EXOC4: variants seen among roughly 807,000 people sequenced by gnomAD.
The protein encoded by EXOC4 is SEC8-like 1.
A neutral mutation model predicts 107.2 loss-of-function variants in EXOC4; 71 were observed. The ratio of observed to expected loss-of-function variants is 0.66; its 90% CI spans 0.55 to 0.81. EXOC4 has a LOEUF of 0.81. Among genes scored for constraint, EXOC4 ranks in the 30% least tolerant of loss-of-function variants. The pLI, the probability that EXOC4 is intolerant of heterozygous loss-of-function variation, is 0.00. For missense variants in EXOC4, 1,108 were observed against 1,189.6 expected (o/e 0.93, Z 1.01); for synonymous variants, 456 against 441.2 (o/e 1.03, Z -0.42).
intron 7 of EXOC4, among the ~76,000 whole-genome samples, chr7:133,411,455 AT>A (rs1264431937): frequency 6.6e-6 from 1 of 152,170 alleles, no homozygotes; most frequent in East Asian, 1.9e-4. Context: ...AATAATTCTT[AT>A]TACTATAGAA....
chr7:133,336,528 C>A (rs1208585210), intron 5 of EXOC4, among the ~76,000 whole-genome samples: 1 of 152,004 alleles, frequency 6.6e-6, no homozygotes, highest in African/African-American at 2.4e-5. Flanking sequence ...ACAATTCTTG[C>A]CAATCTGAGA....
intron 14 of EXOC4, among the ~76,000 whole-genome samples, chr7:133,971,361 T>TATATATAGAGAG (rs1489958236): frequency 1.0e-3 from 75 of 75,050 alleles, no homozygotes; most frequent in African/African-American, 2.7e-3. Context: ...TATATATATA[T>TATATATAGAGAG]AGAGAGAGAG....
chr7:133,794,994 CACACA>C (rs1796784311), intron 10 of EXOC4, among the ~76,000 whole-genome samples: 2 of 151,542 alleles, frequency 1.3e-5, no homozygotes, highest in Admixed American at 1.3e-4. Context: ...TTCCTGTGTC[CACACA>C]ATGGATAGTT....
intron 7 of EXOC4, chr7:133,447,516 A>G (rs945030845): frequency 2.2e-4 from 33 of 152,064 alleles, no homozygotes; most frequent in Admixed American, 6.6e-4. Flanking sequence ...TCACATTTTT[A>G]TGTATTTCCT....
intron 12 of EXOC4, among the ~76,000 whole-genome samples, chr7:133,902,550 A>G (rs1327712717): frequency 6.6e-6 from 1 of 152,180 alleles, no homozygotes; most frequent in Non-Finnish European, 1.5e-5. Context: ...TGAATGTAAT[A>G]CATAAACATA....
intron 14 of EXOC4, among the ~76,000 whole-genome samples, chr7:133,985,561 G>A (rs1420983021): frequency 6.6e-6 from 1 of 152,024 alleles, no homozygotes; most frequent in Non-Finnish European, 1.5e-5. Flanking sequence ...GCTCCTCTAG[G>A]GCCAATGAGC....
chr7:133,390,722 A>G (rs777911892), intron 7 of EXOC4, among the ~76,000 whole-genome samples: 2 of 152,186 alleles, frequency 1.3e-5, no homozygotes, highest in Non-Finnish European at 2.9e-5. Flanking sequence ...AATGTGGTTA[A>G]TGGGAAACTA....
chr7:133,939,037 A>G (rs6952645), intron 14 of EXOC4, among the ~76,000 whole-genome samples: 67 of 152,326 alleles, frequency 4.4e-4, no homozygotes, highest in African/African-American at 1.6e-3. Flanking sequence ...GGCGTGAGCA[A>G]GCACGTCCAG....
chr7:133,512,881 G>C (rs545892353), intron 9 of EXOC4, among the ~76,000 whole-genome samples: 1 of 152,130 alleles, frequency 6.6e-6, no homozygotes, highest in Admixed American at 6.5e-5. Context: ...GCCTGCGGGC[G>C]GATCAGTTGA....
chr7:133,855,142 TAAATATATATATAAATATATATA>T (rs1798345155), intron 11 of EXOC4, among the ~76,000 whole-genome samples: 2 of 129,132 alleles, frequency 1.5e-5, no homozygotes, highest in African/African-American at 6.9e-5. Flanking sequence ...TATATATATA[TAAATATATATATAAATATATATA>T]TTTTTTTTAT....
chr7:133,412,509 C>T (rs118162864), intron 7 of EXOC4, among the ~76,000 whole-genome samples: 7 of 151,968 alleles, frequency 4.6e-5, no homozygotes, highest in Admixed American at 6.6e-5. Flanking sequence ...GGTAGCCCAG[C>T]TCTGCAACCA....
At chr7:133,497,495 C>T (rs533699338) in intron 9 of EXOC4, among the ~76,000 whole-genome samples, 9 of 148,380 alleles carry the variant, frequency 6.1e-5, no homozygotes, top group East Asian at 2.0e-4. Context: ...GGCATGATTG[C>T]GGCTCACTCA....
intron 10 of EXOC4, among the ~76,000 whole-genome samples, chr7:133,776,492 A>G (rs1254828006): frequency 6.6e-6 from 1 of 152,160 alleles, no homozygotes. Flanking sequence ...CTGCCAAAGA[A>G]GGCTAATTTA....
At chr7:133,310,159 T>C (rs896395249) in intron 4 of EXOC4, among the ~76,000 whole-genome samples, 5 of 152,222 alleles carry the variant, frequency 3.3e-5, no homozygotes, top group African/African-American at 9.6e-5. Flanking sequence ...TAGATATGTA[T>C]ATTTAAAAAT....
intron 9 of EXOC4, among the ~76,000 whole-genome samples, chr7:133,606,587 T>G (rs1801954602): frequency 6.6e-6 from 1 of 151,410 alleles, no homozygotes; most frequent in Admixed American, 6.6e-5. Context: ...CATTCTCGGC[T>G]CACTGAAATC....
At chr7:133,777,066 A>G (rs984348733) in intron 10 of EXOC4, among the ~76,000 whole-genome samples, 1 of 152,112 alleles carries the variant, frequency 6.6e-6, no homozygotes. Context: ...TATATTTTTA[A>G]ACATTATTTT....
intron 10 of EXOC4, among the ~76,000 whole-genome samples, chr7:133,634,681 C>T (rs1390053703): frequency 2.0e-5 from 3 of 151,936 alleles, no homozygotes; most frequent in East Asian, 1.9e-4. Flanking sequence ...GACAGGGATT[C>T]GCCATGTTGG....
intron 9 of EXOC4, chr7:133,551,519 G>T (rs1258390230): frequency 1.3e-5 from 2 of 152,070 alleles, no homozygotes; most frequent in Non-Finnish European, 2.9e-5. Context: ...TTTTACTGTA[G>T]TCAGTAGTTA....
intron 11 of EXOC4, among the ~76,000 whole-genome samples, chr7:133,818,684 TCTG>T (rs1328254633): frequency 2.6e-5 from 4 of 152,172 alleles, no homozygotes; most frequent in African/African-American, 9.7e-5. Flanking sequence ...TGCTCTTCCT[TCTG>T]CTGGATATCT....
Sources: gnomAD v4.1 joint callset for allele counts (sites outside exome capture counted in the v4.1 genomes callset) on GRCh38, gnomAD v4.1.1 for gene constraint, MANE v1.5 for transcripts, NCBI Gene and HGNC (gene_info 2026-07-23, HGNC 2026-07-21) for gene names.